Variants in RNASET2 observed in about 807,000 individuals in gnomAD.
RNASET2 encodes the protein ribonuclease 6.
A neutral mutation model predicts 33.9 loss-of-function variants in RNASET2; 28 were observed. That is an observed-to-expected ratio of 0.83 (90% CI 0.61 to 1.13). RNASET2 has a LOEUF of 1.13. Ranked by LOEUF, RNASET2 falls within the 50% of genes most tolerant of loss-of-function variation. The pLI is 0.00. For synonymous variants in RNASET2, 123 were observed against 121.0 expected, an observed-to-expected ratio of 1.02 and a Z score of -0.11; for missense variants, 330 against 319.9, an observed-to-expected ratio of 1.03 and a Z score of -0.24.
chr6:166,955,462 G>A, intron 1 of RNASET2: 1 of 986,122 alleles, frequency 1.0e-6, no homozygotes, highest in Non-Finnish European at 1.2e-6. Flanking sequence ...TTCAGAACAG[G>A]ATACTCAAAA....
At chr6:166,944,454 C>T (rs1778777499) in intron 4 of RNASET2, among the ~76,000 whole-genome samples, 1 of 151,370 alleles carries the variant, frequency 6.6e-6, no homozygotes, top group African/African-American at 2.4e-5. Context: ...CAGCTCTGTC[C>T]CCCTCCTCTT....
chr6:166,951,319 T>C (rs1347157374), intron 2 of RNASET2, among the ~76,000 whole-genome samples: 1 of 152,258 alleles, frequency 6.6e-6, no homozygotes, highest in Non-Finnish European at 1.5e-5. Context: ...GTGTGACTGC[T>C]GAAGCACAGC....
In RNASET2 at chr6:166,923,463, G is replaced by A. The variant is rs1159844644; in HGVS notation, c.*6125C>T. 3.3e-5 allele frequency among the ~76,000 whole-genome samples: 5 copies of A among 151,722 alleles called. No individual in the cohort carries two copies. Among genetic ancestry groups the A allele is most frequent in the African/African-American group, 9.7e-5 (4 of 41,242 alleles). ...TTGAACGCTTGACCTCAAGTGATCC[G>A]CCCACCTCGGCCTCCCAAGGTGCTA... On this transcript the variant is annotated 3_prime_UTR_variant, in exon 9 of 9. Coordinates refer to ENST00000508775, the MANE Select transcript of RNASET2 (RefSeq NM_003730.6).
chr6:166,954,454 A>G (rs1489764133), intron 1 of RNASET2, among the ~76,000 whole-genome samples: 2 of 151,876 alleles, frequency 1.3e-5, no homozygotes, highest in African/African-American at 4.9e-5. Context: ...TGTGAGGCTG[A>G]CTGTTACTAT....
chr6:166,946,728 C>G lies in RNASET2; in HGVS notation c.215G>C (p.Ser72Thr). Reference protein sequence around the residue: ...WTIHGLWPDKSEGCNRSWPFN... With the variant: ...WTIHGLWPDKTEGCNRSWPFN... ...GGGCCACGATCTATTACATCCTTCA[C>G]TTTTATCGGGCCTGGAAATTCAAAT... Residue 72 changes from serine to threonine, a missense_variant, in exon 4 of 9, where the codon AGT becomes ACT. By Grantham distance (58) the Ser-to-Thr change is moderately conservative. Transcript: ENST00000508775. 1 of 1,566,576 alleles carries G rather than the reference C, an allele frequency of 6.4e-7. No individual in the cohort carries two copies. The highest frequency in any genetic ancestry group is 1.7e-5 in the Admixed American group (1 of 57,194).
At chr6:166,949,192 G>A (rs549427278) in intron 2 of RNASET2, among the ~76,000 whole-genome samples, 10 of 90,580 alleles carry the variant, frequency 1.1e-4, no homozygotes, top group East Asian at 3.5e-4. Flanking sequence ...GAAAAAAACC[G>A]TGTCTCCAAA....
chr6:166,955,560 T>C (rs1779143685), intron 1 of RNASET2: 1 of 986,776 alleles, frequency 1.0e-6, no homozygotes, highest in African/African-American at 1.7e-5. Context: ...CTGAGAGAAC[T>C]TCGAGTGCAG....
intron 6 of RNASET2, chr6:166,934,907 A>G (rs1778530116): frequency 6.6e-6 from 1 of 152,250 alleles, no homozygotes; most frequent in East Asian, 1.9e-4. Context: ...AAACTACCAT[A>G]TATAGAATTC....
At chr6:166,950,198 C>G (rs956697941) in intron 2 of RNASET2, among the ~76,000 whole-genome samples, 1 of 151,708 alleles carries the variant, frequency 6.6e-6, no homozygotes, top group African/African-American at 2.4e-5. Context: ...GCTTAAGTTC[C>G]AGCTCCTCCT....
At chr6:166,947,000 G>C (rs1778864223) in intron 3 of RNASET2, 3 of 521,536 alleles carry the variant, frequency 5.8e-6, no homozygotes, top group Non-Finnish European at 1.0e-5. Flanking sequence ...CTTAGTAAAG[G>C]AAGTGCAATG....
chr6:166,940,764 C>T lies in RNASET2; in HGVS notation c.333-1756G>A, dbSNP rs3798301. 5.8e-4 allele frequency among the ~76,000 whole-genome samples: 88 copies of T among 152,000 alleles called. No homozygotes were observed. In the East Asian group the frequency reaches 0.012, roughly 21 times the overall value. ...GACCTTTTTTTTTTAAGCATCAGAA[C>T]GGTCAGTCACCAATGCGAAGTGACT... On this transcript the variant is annotated intron_variant, in intron 5 of 8. Coordinates refer to ENST00000508775, the MANE Select transcript of RNASET2 (RefSeq NM_003730.6).
chr6:166,934,905 A>G (rs919911911), intron 6 of RNASET2: 1 of 152,224 alleles, frequency 6.6e-6, no homozygotes, highest in Non-Finnish European at 1.5e-5. Flanking sequence ...CCAAACTACC[A>G]TATATAGAAT....
intron 6 of RNASET2, among the ~76,000 whole-genome samples, chr6:166,938,404 G>A (rs912219674): frequency 4.6e-5 from 7 of 152,164 alleles, no homozygotes; most frequent in African/African-American, 1.4e-4. Flanking sequence ...GAATAGAGGT[G>A]AGGGCAGGCA....
Position 166,924,166 on chromosome 6 carries a change from G to A in RNASET2, c.*5422C>T, listed in dbSNP as rs1231653510. Among the ~76,000 whole-genome samples, 3 of 152,026 alleles carry A rather than the reference G, an allele frequency of 2.0e-5. No homozygotes were observed. Among genetic ancestry groups the A allele is most frequent in the South Asian group, 2.1e-4 (1 of 4,820 alleles). On this transcript the variant is annotated 3_prime_UTR_variant, in exon 9 of 9. Transcript: ENST00000508775. The stretch of plus-strand genomic sequence containing the variant: ...GACTGGAGTGCAATGGTGTGATTTC[G>A]GCTCACTGCAACCTCTGCCTCCTGG...
chr6:166,936,620 C>T (rs893613054), intron 6 of RNASET2, among the ~76,000 whole-genome samples: 7 of 152,130 alleles, frequency 4.6e-5, no homozygotes, highest in African/African-American at 7.2e-5. Context: ...CTGTTAACAA[C>T]CAGCTCTCTG....
intron 1 of RNASET2, chr6:166,953,307 G>C (rs1368514919): frequency 6.6e-6 from 1 of 152,430 alleles, no homozygotes; most frequent in Admixed American, 6.5e-5. Flanking sequence ...ATTCATGGCA[G>C]TAGGCCTCTA....
chr6:166,924,167 G>T lies in RNASET2; in HGVS notation c.*5421C>A, dbSNP rs1446471622. ...ACTGGAGTGCAATGGTGTGATTTCG[G>T]CTCACTGCAACCTCTGCCTCCTGGC... On this transcript the variant is annotated 3_prime_UTR_variant, in exon 9 of 9. Coordinates refer to ENST00000508775, the MANE Select transcript of RNASET2 (RefSeq NM_003730.6). Among the ~76,000 whole-genome samples, 1 of 152,102 alleles carries T rather than the reference G, an allele frequency of 6.6e-6. No individual in the cohort carries two copies. Among genetic ancestry groups the T allele is most frequent in the East Asian group, 1.9e-4 (1 of 5,194 alleles).
chr6:166,926,490 C>T lies in RNASET2; in HGVS notation c.*3098G>A, dbSNP rs776888051. ...CAGAGGTTGCAGTGAGCCGAGATCG[C>T]ACCACTGCACTCCAGCCTGGGCGAC... On this transcript the variant is annotated 3_prime_UTR_variant, in exon 9 of 9. Coordinates refer to ENST00000508775, the MANE Select transcript of RNASET2 (RefSeq NM_003730.6). Among the ~76,000 whole-genome samples, 10 of 146,058 alleles carry T rather than the reference C, an allele frequency of 6.8e-5. No homozygotes were observed. Among genetic ancestry groups the T allele is most frequent in the Non-Finnish European group, 1.3e-4 (9 of 67,216 alleles).
At chr6:166,946,619 T>A (rs1028289255) in intron 4 of RNASET2, 63 bp downstream of exon 4, 1 of 904,130 alleles carries the variant, frequency 1.1e-6, no homozygotes, top group South Asian at 1.4e-5. Context: ...AAGGTACGCT[T>A]GTGAAGAAAA....
Sources: gnomAD v4.1 joint callset for allele counts (sites outside exome capture counted in the v4.1 genomes callset) on GRCh38, gnomAD v4.1.1 for gene constraint, MANE v1.5 for transcripts, NCBI Gene and HGNC (gene_info 2026-07-23, HGNC 2026-07-21) for gene names.